KCNU1: variants seen among roughly 807,000 people sequenced by gnomAD.
The protein encoded by KCNU1 is potassium calcium-activated channel subfamily U member 1.
Under a neutral mutation model 126.8 loss-of-function variants are expected in KCNU1, and 93 were observed. That is an observed-to-expected ratio of 0.73 (90% confidence interval 0.62 to 0.87). KCNU1 has a LOEUF of 0.87. Ranked by LOEUF, KCNU1 falls within the 40% of genes least tolerant of loss-of-function variation. The probability of loss-of-function intolerance (pLI) is 0.00; values close to 1 mark genes in which losing one functional copy is unlikely to be tolerated. For synonymous variants in KCNU1, 523 were observed against 494.2 expected (o/e 1.06, Z -0.77); for missense variants, 1,330 against 1,367.1 (o/e 0.97, Z 0.43).
At chr8:36,840,438 C>A in intron 14 of KCNU1, 25 bp from the exon 15 acceptor site, 1 of 1,125,926 alleles carries the variant, frequency 8.9e-7, no homozygotes, top group Non-Finnish European at 1.3e-6. Context: ...CGTTTTGCTT[C>A]GTGTGGCATG....
At chr8:36,831,609 T>C (rs1585428855) in intron 10 of KCNU1, among the ~76,000 whole-genome samples, 2 of 148,312 alleles carry the variant, frequency 1.3e-5, no homozygotes, top group East Asian at 3.9e-4. Context: ...TGGGGTTGTT[T>C]GTTTTTTTCT....
chr8:36,835,348 C>CTTTTCT lies in KCNU1; in HGVS notation c.1295+484_1295+485insCTTTTT, dbSNP rs532793244. Among the ~76,000 whole-genome samples the CTTTTCT allele has an allele frequency of 0.018, 2,582 of 141,668 alleles. 201 individuals carry two copies. In the East Asian group the frequency reaches 0.25, roughly 14 times the overall value. 92.9% of individuals were successfully genotyped at this position (141,668 alleles called of 152,430 possible). ...TAAGTATTCTCTTTTCTTTTCTTTT[C>CTTTTCT]TTTTTTTTTTTTTGAGACGGAGTTT... On this transcript the variant is annotated intron_variant, in intron 12 of 26. Transcript: ENST00000399881.
At position 36,806,361 on chromosome 8, in the gene KCNU1, T is replaced by C; in HGVS notation, c.561T>C (p.Tyr187=). Residue 187 remains tyrosine, a synonymous_variant, in exon 5 of 27, where the codon TAT becomes TAC. Coordinates refer to ENST00000399881, the MANE Select transcript of KCNU1 (RefSeq NM_001031836.3). ...TCCCACCAACCTTTATTTCTTATTA[T>C]TTGAAGAGCAATTGGCTAGGTAAGT... ...FTIPPTFISY[Y]LKSNWLGLRF... The C allele has an allele frequency of 6.2e-7, 1 of 1,602,354 alleles. No individual in the cohort carries two copies. The highest frequency in any genetic ancestry group is 8.5e-7 in the Non-Finnish European group (1 of 1,171,784).
At chr8:36,870,045 G>A (rs377708880) in intron 19 of KCNU1, among the ~76,000 whole-genome samples, 183 of 152,162 alleles carry the variant, frequency 1.2e-3, no homozygotes, top group African/African-American at 4.3e-3. Context: ...TGTCCAAGTC[G>A]GCCTATAGCT....
intron 26 of KCNU1, among the ~76,000 whole-genome samples, chr8:36,935,118 T>A (rs1010319056): frequency 1.3e-5 from 2 of 151,936 alleles, no homozygotes; most frequent in African/African-American, 4.8e-5. Context: ...AATTCATGAG[T>A]ATAGTGTCTT....
In KCNU1 at chr8:36,895,236, G is replaced by A. The variant is rs935906411; in HGVS notation, c.2010-10472G>A. On this transcript the variant is annotated intron_variant, in intron 19 of 26. Coordinates refer to ENST00000399881, the MANE Select transcript of KCNU1 (RefSeq NM_001031836.3). ...TGGGATTACAGGCACTGACCACCAC[G>A]CCCAGCTAATTTTTATATTTTTAGT... Among the ~76,000 whole-genome samples, 5 of 151,910 alleles carry A rather than the reference G, an allele frequency of 3.3e-5. No individual in the cohort carries two copies. The South Asian group carries it at 6.2e-4, about 19-fold the overall frequency.
chr8:36,810,618 C>G (rs552397628), intron 7 of KCNU1, among the ~76,000 whole-genome samples: 1 of 152,160 alleles, frequency 6.6e-6, no homozygotes, highest in East Asian at 1.9e-4. Flanking sequence ...TATGGTTGCC[C>G]TAACTCACCA....
intron 23 of KCNU1, among the ~76,000 whole-genome samples, chr8:36,919,993 C>A (rs1365094449): frequency 6.6e-6 from 1 of 152,192 alleles, no homozygotes; most frequent in East Asian, 1.9e-4. Context: ...GGAGCAGAGG[C>A]TGTTGAAGTT....
chr8:36,926,405 C>A (rs1246380482), intron 24 of KCNU1, among the ~76,000 whole-genome samples: 1 of 152,040 alleles, frequency 6.6e-6, no homozygotes, highest in Non-Finnish European at 1.5e-5. Context: ...GGAGATGTGC[C>A]CACCCTGCCT....
In KCNU1 at chr8:36,909,547, A is replaced by G. The variant is rs954656748; in HGVS notation, c.2331+12A>G. On this transcript the variant is annotated intron_variant, in intron 21 of 26. Coordinates refer to ENST00000399881, the MANE Select transcript of KCNU1 (RefSeq NM_001031836.3). ...TATACATTCTGCCTGTAAGTATCAT[A>G]TAAGGAAAAGTTAATATTTATAAGG... 7.0e-7 allele frequency: 1 copy of G among 1,428,768 alleles called. No individual in the cohort carries two copies. The allele number at this position is 1,428,768 out of a possible 1,614,324, so 88.5% of individuals were successfully genotyped here.
chr8:36,821,811 T>A (rs1158363242), intron 10 of KCNU1, among the ~76,000 whole-genome samples: 1 of 147,496 alleles, frequency 6.8e-6, no homozygotes, highest in African/African-American at 2.6e-5. Context: ...CAGTATTCAG[T>A]AAATAATATG....
chr8:36,796,373 G>A (rs1803100128), intron 2 of KCNU1, among the ~76,000 whole-genome samples: 2 of 152,120 alleles, frequency 1.3e-5, no homozygotes, highest in Non-Finnish European at 1.5e-5. Context: ...TCTATTTGAT[G>A]TATAAGCAAT....
chr8:36,806,907 A>T (rs930944585), intron 5 of KCNU1, among the ~76,000 whole-genome samples: 1 of 152,222 alleles, frequency 6.6e-6, no homozygotes, highest in African/African-American at 2.4e-5. Context: ...TAATGTTATT[A>T]TCATACCACC....
chr8:36,872,430 C>G (rs1001632870), intron 19 of KCNU1, among the ~76,000 whole-genome samples: 1 of 152,094 alleles, frequency 6.6e-6, no homozygotes, highest in East Asian at 1.9e-4. Flanking sequence ...GACGCCGCCC[C>G]GCCCTGTAAC....
intron 10 of KCNU1, among the ~76,000 whole-genome samples, chr8:36,833,351 G>C (rs1804624795): frequency 6.6e-6 from 1 of 152,008 alleles, no homozygotes; most frequent in South Asian, 2.1e-4. Flanking sequence ...GCCTGTTTCA[G>C]TAACTCAGTT....
chr8:36,935,368 A>G, intron 26 of KCNU1, 147 bp from the exon 27 acceptor site: 1 of 637,248 alleles, frequency 1.6e-6, no homozygotes. Context: ...ATAGCTATTT[A>G]CTATTAATCA....
chr8:36,865,396 TCTGTA>T (rs1456248294), intron 19 of KCNU1, among the ~76,000 whole-genome samples: 1 of 152,038 alleles, frequency 6.6e-6, no homozygotes, highest in African/African-American at 2.4e-5. Flanking sequence ...CAAAGACAAT[TCTGTA>T]CTCCCATGTT....
At position 36,836,815 on chromosome 8, in the gene KCNU1, G is replaced by C. The variant is rs756082595; in HGVS notation, c.1388G>C (p.Ser463Thr). 1.2e-6 allele frequency: 2 copies of C among 1,613,778 alleles called. No individual in the cohort carries two copies. The highest frequency in any genetic ancestry group is 4.5e-5 in the East Asian group (2 of 44,828). The stretch of plus-strand genomic sequence containing the variant: ...CAGGTTTATCTGCCAAAGATTCCCA[G>C]CTGGAACTGGGACACCGGAGACAAC... Reference protein sequence around the residue: ...HNKVYLPKIPSWNWDTGDNII... With the variant: ...HNKVYLPKIPTWNWDTGDNII... The change falls in exon 14 of 27, where the codon AGC (serine) becomes ACC (threonine). Residue 463 changes from serine to threonine, a missense_variant. Physicochemically the swap from Ser to Thr is moderately conservative, Grantham distance 58. Transcript: ENST00000399881.
chr8:36,918,598 C>CCACA (rs895166672), intron 22 of KCNU1, among the ~76,000 whole-genome samples: 1 of 150,062 alleles, frequency 6.7e-6, no homozygotes, highest in Non-Finnish European at 1.5e-5. Context: ...GACCCCCCCA[C>CCACA]CACACACACA....
Sources: allele counts gnomAD v4.1 joint callset (sites outside exome capture counted in the v4.1 genomes callset), GRCh38; gene constraint gnomAD v4.1.1; transcripts MANE v1.5; gene names NCBI Gene and HGNC (gene_info 2026-07-23, HGNC 2026-07-21).